Variants in FOXN2 observed in about 807,000 individuals in gnomAD.
FOXN2 encodes forkhead box N2, also known as forkhead box protein N2.
FOXN2 carries 19 observed loss-of-function variants against 41.2 expected under a neutral mutation model. The ratio of observed to expected loss-of-function variants is 0.46; its 90% CI spans 0.32 to 0.68. The LOEUF is 0.68. Among genes scored for constraint, FOXN2 ranks in the 30% least tolerant of loss-of-function variants. The pLI is 0.03. For synonymous variants in FOXN2, 195 were observed against 176.8 expected (o/e 1.10, Z -0.82); for missense variants, 587 against 509.4 (o/e 1.15, Z -1.47).
chr2:48,356,840 T>C (rs1026228345), intron 3 of FOXN2, among the ~76,000 whole-genome samples: 3 of 152,220 alleles, frequency 2.0e-5, no homozygotes, highest in Non-Finnish European at 4.4e-5. Context: ...CTTCAAAACC[T>C]TTAGCAGTTC....
intron 5 of FOXN2, among the ~76,000 whole-genome samples, chr2:48,370,726 T>A (rs530162059): frequency 4.2e-4 from 64 of 152,312 alleles, no homozygotes; most frequent in African/African-American, 1.3e-3. Flanking sequence ...AGATGAGTAG[T>A]TTGCATATAT....
chr2:48,326,005 C>T lies in FOXN2; in HGVS notation c.-156-2556C>T, dbSNP rs555335855. ...CTGGGGTTAAAGGCACATGCCACCA[C>T]GCCCAGCTAATATTTGTATTTTTAG... On this transcript the variant is annotated intron_variant, in intron 1 of 6. Transcript: ENST00000340553. Among the ~76,000 whole-genome samples, 7 of 152,144 alleles carry T rather than the reference C, an allele frequency of 4.6e-5. No homozygotes were observed. In the South Asian group the frequency reaches 1.2e-3, roughly 27 times the overall value.
chr2:48,344,267 A>C (rs1375543183), intron 2 of FOXN2, among the ~76,000 whole-genome samples: 7 of 152,178 alleles, frequency 4.6e-5, no homozygotes, highest in Admixed American at 3.9e-4. Context: ...CAAATCCGTT[A>C]TCGTTTGATC....
intron 2 of FOXN2, among the ~76,000 whole-genome samples, chr2:48,335,165 G>A (rs67324205): frequency 0.09 from 13,670 of 152,202 alleles, 793 homozygotes; most frequent in Middle Eastern, 0.23. Flanking sequence ...AATAGTTCAC[G>A]TTTTGGAATT....
In FOXN2 at chr2:48,374,784, A is replaced by T. The variant is rs1034587053; in HGVS notation, c.773-136A>T. ...GCTTGCAAAATGATGTGATCTGGGT[A>T]AAAAAAAATAAAAAATCTACAAAGC... is the stretch of plus-strand genomic sequence containing the variant. On this transcript the variant is annotated intron_variant, in intron 6 of 6. Transcript: ENST00000340553. The T allele has an allele frequency of 3.0e-5, 20 of 666,500 alleles. 1 individual carries two copies. In the South Asian group the frequency reaches 3.3e-4, roughly 11 times the overall value. The allele number at this position is 666,500 out of a possible 1,614,324, so 41.3% of individuals were successfully genotyped here. A position where few individuals can be genotyped will look rare whatever the true frequency, so the allele number is the denominator to read the frequency against.
At chr2:48,337,083 AC>A in intron 2 of FOXN2, among the ~76,000 whole-genome samples, 1 of 147,396 alleles carries the variant, frequency 6.8e-6, no homozygotes, top group East Asian at 2.0e-4. Context: ...CTCATTAACC[AC>A]CCCCACCTCC....
intron 1 of FOXN2, among the ~76,000 whole-genome samples, chr2:48,325,837 A>G (rs887763486): frequency 2.0e-5 from 3 of 149,672 alleles, no homozygotes; most frequent in African/African-American, 7.4e-5. Context: ...TTCTTCCCTC[A>G]AGATTTCTTT....
chr2:48,375,434 G>A lies in FOXN2; in HGVS notation c.1287G>A (p.Arg429=), dbSNP rs1558645404. The A allele has an allele frequency of 2.5e-6, 4 of 1,599,480 alleles. No homozygotes were observed. Among genetic ancestry groups the A allele is most frequent in the Admixed American group, 3.5e-5 (2 of 57,442 alleles). Reference sequence around the variant, plus strand: ...CAAAGACACAAAATCAAAAGCAACGGAAAAAATAGAAATACTTAAAGTGTG... The same window carrying A: ...CAAAGACACAAAATCAAAAGCAACGAAAAAAATAGAAATACTTAAAGTGTG... ...STAKTQNQKQ[R]KK is the part of the protein sequence containing the mutation. Residue 429 remains arginine, a synonymous_variant, in exon 7 of 7, where the codon CGG becomes CGA. Transcript: ENST00000340553.
In FOXN2 at chr2:48,375,468, C is replaced by A; in HGVS notation, c.*25C>A. On this transcript the variant is annotated 3_prime_UTR_variant, in exon 7 of 7. Coordinates refer to ENST00000340553, the MANE Select transcript of FOXN2 (RefSeq NM_002158.4). Reference sequence around the variant, plus strand: ...GAAATACTTAAAGTGTGGCAATACTCTTTCACTTAATTCTTTACAAGGGAT... The same window carrying A: ...GAAATACTTAAAGTGTGGCAATACTATTTCACTTAATTCTTTACAAGGGAT... 6.4e-7 allele frequency: 1 copy of A among 1,567,564 alleles called. No homozygotes were observed. The highest frequency in any genetic ancestry group is 1.2e-5 in the South Asian group (1 of 85,364).
At position 48,377,718 on chromosome 2, in the gene FOXN2, A is replaced by G. The variant is rs1278141992; in HGVS notation, c.*2275A>G. On this transcript the variant is annotated 3_prime_UTR_variant, in exon 7 of 7. Coordinates refer to ENST00000340553, the MANE Select transcript of FOXN2 (RefSeq NM_002158.4). ...CTGAAAGCTAACAGGGAGAGGTTAC[A>G]CAATATTTTACAGTTTCTTAAACAT... The G allele has an allele frequency of 2.6e-5, 4 of 152,106 alleles. No individual in the cohort carries two copies. Among genetic ancestry groups the G allele is most frequent in the Non-Finnish European group, 5.9e-5 (4 of 67,934 alleles). The allele number at this position is 152,106 out of a possible 1,614,324, so 9.4% of individuals were successfully genotyped here. A position where few individuals can be genotyped will look rare whatever the true frequency, so the allele number is the denominator to read the frequency against.
intron 2 of FOXN2, among the ~76,000 whole-genome samples, chr2:48,329,680 A>G (rs769199568): frequency 6.6e-6 from 1 of 152,156 alleles, no homozygotes; most frequent in Non-Finnish European, 1.5e-5. Context: ...TCAAATATAC[A>G]TCTTTTTGCA....
At chr2:48,356,032 C>T (rs567992397) in intron 3 of FOXN2, among the ~76,000 whole-genome samples, 61 of 152,170 alleles carry the variant, frequency 4.0e-4, no homozygotes, top group South Asian at 2.3e-3. Flanking sequence ...GGTTGAGACA[C>T]GACAATCACT....
chr2:48,354,339 C>T (rs143491613), intron 3 of FOXN2, among the ~76,000 whole-genome samples: 3,141 of 152,252 alleles, frequency 0.021, 62 homozygotes, highest in Non-Finnish European at 0.032. Context: ...CGGTGGCTCA[C>T]ACCTGTAATC....
At chr2:48,348,119 T>C (rs932980762) in intron 3 of FOXN2, among the ~76,000 whole-genome samples, 8 of 152,152 alleles carry the variant, frequency 5.3e-5, no homozygotes, top group African/African-American at 1.9e-4. Context: ...ATTTAGGAAA[T>C]TTTTGCTCAT....
At chr2:48,371,452 G>A (rs780962984) in intron 5 of FOXN2, among the ~76,000 whole-genome samples, 1 of 151,832 alleles carries the variant, frequency 6.6e-6, no homozygotes, top group African/African-American at 2.4e-5. Flanking sequence ...TCTCTATTCT[G>A]TTCCATTGGT....
intron 5 of FOXN2, among the ~76,000 whole-genome samples, chr2:48,366,344 G>A (rs1477412101): frequency 7.0e-6 from 1 of 142,492 alleles, no homozygotes; most frequent in Non-Finnish European, 1.5e-5. Flanking sequence ...AGGTGACAGA[G>A]TGAGACTCCA....
At chr2:48,329,945 T>C (rs1669927503) in intron 2 of FOXN2, among the ~76,000 whole-genome samples, 8 of 152,166 alleles carry the variant, frequency 5.3e-5, no homozygotes, top group Admixed American at 2.0e-4. Flanking sequence ...GCATTGCAAA[T>C]AATGTGTGTT....
At chr2:48,363,655 T>C (rs1417438558) in intron 5 of FOXN2, among the ~76,000 whole-genome samples, 1 of 152,220 alleles carries the variant, frequency 6.6e-6, no homozygotes, top group African/African-American at 2.4e-5. Flanking sequence ...TTGTACCCCC[T>C]TTTTTGTTCC....
chr2:48,321,407 G>T (rs542359148), intron 1 of FOXN2, among the ~76,000 whole-genome samples: 1 of 152,058 alleles, frequency 6.6e-6, no homozygotes, highest in Non-Finnish European at 1.5e-5. Context: ...GTGGTGGCGA[G>T]TGCCTGTAGT....
Sources: gnomAD v4.1 joint callset for allele counts (sites outside exome capture counted in the v4.1 genomes callset) on GRCh38, gnomAD v4.1.1 for gene constraint, MANE v1.5 for transcripts, NCBI Gene and HGNC (gene_info 2026-07-23, HGNC 2026-07-21) for gene names.